Variants in EXD3 observed in about 807,000 individuals in gnomAD.
EXD3 encodes the protein exonuclease 3'-5' domain containing 3, also known as exonuclease mut-7 homolog.
Under a neutral mutation model 98.0 loss-of-function variants are expected in EXD3, and 92 were observed. The ratio of observed to expected loss-of-function variants is 0.94; its 90% CI spans 0.79 to 1.12. The LOEUF is 1.12. EXD3 is among the 50% of genes most tolerant of loss of function. The probability of loss-of-function intolerance (pLI) is 0.00; values close to 1 mark genes in which losing one functional copy is unlikely to be tolerated. For missense variants in EXD3, 1,222 were observed against 1,191.6 expected (o/e 1.03, Z -0.38); for synonymous variants, 569 against 526.0 (o/e 1.08, Z -1.12).
At chr9:137,355,244 G>A (rs1834567090) in intron 8 of EXD3, among the ~76,000 whole-genome samples, 1 of 152,134 alleles carries the variant, frequency 6.6e-6, no homozygotes, top group Non-Finnish European at 1.5e-5. Context: ...AGCCTGAGGG[G>A]GCCCCGGGGA....
chr9:137,315,165 C>T (rs769283279), intron 19 of EXD3, among the ~76,000 whole-genome samples: 3 of 152,192 alleles, frequency 2.0e-5, no homozygotes, highest in Admixed American at 6.5e-5. Flanking sequence ...GGTCACCATG[C>T]GACACCTTGC....
At chr9:137,384,541 A>G (rs1416040953) in intron 2 of EXD3, among the ~76,000 whole-genome samples, 1 of 152,264 alleles carries the variant, frequency 6.6e-6, no homozygotes, top group Admixed American at 6.5e-5. Flanking sequence ...AGGATGCCAC[A>G]GCCCGGCCTG....
In EXD3 at chr9:137,383,355, C is replaced by T. The variant is rs756524074; in HGVS notation, c.78G>A (p.Leu26=). The change falls in exon 3 of 22, where the codon CTG becomes CTA. Residue 26 remains leucine, a synonymous_variant. Coordinates refer to ENST00000340951, the MANE Select transcript of EXD3 (RefSeq NM_017820.5). ...HRMGRDPLLL[L]QALQTLWSTR... is the part of the protein sequence containing the mutation. ...TGGACCACAGGGTCTGCAGGGCCTG[C>T]AGGAGCAGGAGGGGGTCCCGGCCTG... 2 of 1,550,300 alleles carry T rather than the reference C, an allele frequency of 1.3e-6. No homozygotes were observed. Among genetic ancestry groups the T allele is most frequent in the Non-Finnish European group, 1.7e-6 (2 of 1,146,662 alleles).
chr9:137,373,735 C>G, intron 3 of EXD3, 136 bp from the exon 4 acceptor site: 3 of 974,474 alleles, frequency 3.1e-6, no homozygotes, highest in Non-Finnish European at 4.4e-6. Flanking sequence ...GCCATCTGCG[C>G]CTCCGTGACT....
chr9:137,420,491 T>C (rs1016649176), intron 1 of EXD3, among the ~76,000 whole-genome samples: 4 of 152,204 alleles, frequency 2.6e-5, no homozygotes, highest in African/African-American at 7.2e-5. Flanking sequence ...CAGGACACAA[T>C]TGGAGACCCT....
chr9:137,316,090 C>A (rs1293244944), intron 19 of EXD3, among the ~76,000 whole-genome samples: 9 of 151,674 alleles, frequency 5.9e-5, no homozygotes, highest in Admixed American at 1.3e-4. Flanking sequence ...TCCCCCGGCC[C>A]CCCCCAGCCT....
At chr9:137,394,242 C>G (rs9696755) in intron 2 of EXD3, among the ~76,000 whole-genome samples, 24 of 27,098 alleles carry the variant, frequency 8.9e-4, no homozygotes, top group South Asian at 7.6e-3. Flanking sequence ...GCTTCCCTAA[C>G]CCCGGCCTCC....
chr9:137,367,262 A>T (rs1238796915), intron 6 of EXD3, among the ~76,000 whole-genome samples: 1 of 152,154 alleles, frequency 6.6e-6, no homozygotes, highest in African/African-American at 2.4e-5. Flanking sequence ...AAGCCCCAAG[A>T]GCCCTCTCTG....
At chr9:137,327,234 C>T (rs762106461) in intron 17 of EXD3, among the ~76,000 whole-genome samples, 45 of 151,460 alleles carry the variant, frequency 3.0e-4, no homozygotes, top group Admixed American at 8.6e-4. Context: ...CCCGGGTTCA[C>T]GCCATTCTCC....
intron 17 of EXD3, among the ~76,000 whole-genome samples, chr9:137,326,696 G>A (rs529528321): frequency 6.6e-6 from 1 of 151,806 alleles, no homozygotes; most frequent in African/African-American, 2.4e-5. Flanking sequence ...TAAAAAAAAA[G>A]GGAAATAAAT....
At position 137,422,848 on chromosome 9, in the gene EXD3, C is replaced by A. The variant is rs563796628; in HGVS notation, c.-48+266G>T. Among the ~76,000 whole-genome samples the A allele has an allele frequency of 1.2e-4, 18 of 152,244 alleles. No individual in the cohort carries two copies. The South Asian group carries it at 3.7e-3, about 32-fold the overall frequency. On this transcript the variant is annotated intron_variant, in intron 1 of 21. Coordinates refer to ENST00000340951, the MANE Select transcript of EXD3 (RefSeq NM_017820.5). ...AAGGCGCGGAGGAGGGCAGGCCCTG[C>A]GGGACAGGGCGGCGGGGTCGCCGGG...
chr9:137,351,666 G>A, intron 12 of EXD3, 138 bp from the exon 13 acceptor site: 1 of 763,506 alleles, frequency 1.3e-6, no homozygotes, highest in Admixed American at 2.7e-5. Context: ...TATAGGGCTG[G>A]GGCTGTTGGG....
chr9:137,366,055 T>C (rs546318852), intron 7 of EXD3: 4 of 670,576 alleles, frequency 6.0e-6, no homozygotes, highest in African/African-American at 1.8e-5. Flanking sequence ...CACATGCACA[T>C]GGCTTCCCTG....
At chr9:137,414,078 G>A (rs1030948405) in intron 1 of EXD3, among the ~76,000 whole-genome samples, 2 of 151,894 alleles carry the variant, frequency 1.3e-5, no homozygotes, top group African/African-American at 4.8e-5. Flanking sequence ...CACCACGCCC[G>A]GCTAATTTTT....
At position 137,314,942 on chromosome 9, in the gene EXD3, C is replaced by G. The variant is rs114118687; in HGVS notation, c.2185-5242G>C. Among the ~76,000 whole-genome samples the G allele has an allele frequency of 5.9e-5, 9 of 152,322 alleles. No individual in the cohort carries two copies. The Middle Eastern group carries it at 0.01, about 173-fold the overall frequency. Reference sequence around the variant, plus strand: ...ACGTCTCTCAGAAGCACCAGGGACACGGGCGTCTGCATGTGGGTGGGTGTC... The same window carrying G: ...ACGTCTCTCAGAAGCACCAGGGACAGGGGCGTCTGCATGTGGGTGGGTGTC... On this transcript the variant is annotated intron_variant, in intron 19 of 21. Coordinates refer to ENST00000340951, the MANE Select transcript of EXD3 (RefSeq NM_017820.5).
At chr9:137,322,073 T>G (rs1832059927) in intron 19 of EXD3, among the ~76,000 whole-genome samples, 1 of 152,100 alleles carries the variant, frequency 6.6e-6, no homozygotes, top group Non-Finnish European at 1.5e-5. Context: ...TCTATGGATC[T>G]CCACCGAGGT....
chr9:137,354,112 C>T (rs566755067), intron 10 of EXD3: 50 of 1,332,114 alleles, frequency 3.8e-5, no homozygotes, highest in East Asian at 1.2e-4. Flanking sequence ...CTGCCTGGAA[C>T]GAGGCCCAGT....
intron 1 of EXD3, among the ~76,000 whole-genome samples, chr9:137,414,926 C>T (rs899052177): frequency 1.3e-5 from 2 of 152,132 alleles, no homozygotes; most frequent in Non-Finnish European, 2.9e-5. Flanking sequence ...CTCACTTTGT[C>T]GCCCAAGCTG....
In EXD3 at chr9:137,417,059, C is replaced by T. The variant is rs367796290; in HGVS notation, c.-48+6055G>A. Among the ~76,000 whole-genome samples the T allele has an allele frequency of 4.7e-4, 72 of 152,348 alleles. No individual in the cohort carries two copies. In the Middle Eastern group the frequency reaches 0.027, roughly 58 times the overall value. The stretch of plus-strand genomic sequence containing the variant: ...CTGTGGGCCTCAGAACAGGCGGAGG[C>T]GGCAACGGCAGGAGAGGGCGACCCT... On this transcript the variant is annotated intron_variant, in intron 1 of 21. Transcript: ENST00000340951.
Sources: gnomAD v4.1 joint callset for allele counts (sites outside exome capture counted in the v4.1 genomes callset) on GRCh38, gnomAD v4.1.1 for gene constraint, MANE v1.5 for transcripts, NCBI Gene and HGNC (gene_info 2026-07-23, HGNC 2026-07-21) for gene names.